DOCK2: variants seen among roughly 807,000 people sequenced by gnomAD.
The protein encoded by DOCK2 is dedicator of cytokinesis protein 2.
Under a neutral mutation model 248.9 loss-of-function variants are expected in DOCK2, and 87 were observed. That is an observed-to-expected ratio of 0.35 (90% CI 0.29 to 0.42). The LOEUF (loss-of-function observed/expected upper bound fraction) is 0.42. DOCK2 is among the 10% of genes least tolerant of loss of function. The probability of loss-of-function intolerance (pLI) is 1.00; values close to 1 mark genes in which losing one functional copy is unlikely to be tolerated. For missense variants in DOCK2, 1,747 were observed against 2,300.2 expected, an observed-to-expected ratio of 0.76 and a Z score of 4.92; for synonymous variants, 805 against 821.6, an observed-to-expected ratio of 0.98 and a Z score of 0.35.
chr5:169,891,690 A>G (rs1773291056), intron 27 of DOCK2, among the ~76,000 whole-genome samples: 1 of 152,090 alleles, frequency 6.6e-6, no homozygotes, highest in Non-Finnish European at 1.5e-5. Context: ...AGTGCTTCAA[A>G]AAGAACAAAG....
At chr5:169,884,163 A>T (rs1772835931) in intron 27 of DOCK2, 1 of 319,718 alleles carries the variant, frequency 3.1e-6, no homozygotes, top group Admixed American at 4.6e-5. Context: ...CAAATGAGTT[A>T]GGCTAACTAT....
intron 1 of DOCK2, among the ~76,000 whole-genome samples, chr5:169,649,178 C>G (rs932193653): frequency 6.6e-6 from 1 of 152,346 alleles, no homozygotes; most frequent in Admixed American, 6.5e-5. Context: ...CATTCTTTCT[C>G]CATTATTGCT....
chr5:169,992,448 T>G (rs1778232052), intron 29 of DOCK2, among the ~76,000 whole-genome samples: 1 of 152,226 alleles, frequency 6.6e-6, no homozygotes, highest in Admixed American at 6.5e-5. Flanking sequence ...ACCATATGAG[T>G]GCTTAGGCTT....
intron 27 of DOCK2, chr5:169,980,185 G>C (rs1483673333): frequency 6.6e-6 from 1 of 151,976 alleles, no homozygotes; most frequent in African/African-American, 2.4e-5. Flanking sequence ...TTAAGCCAAA[G>C]CTTTAAAAGT....
chr5:169,720,198 C>A lies in DOCK2; in HGVS notation c.2267+1407C>A, dbSNP rs186288853. Reference sequence around the variant, plus strand: ...TCGGGTATTCTAGGTTTGAGAGATACTTCTCAGTGATTTGGGAAAACCAAT... The same window carrying A: ...TCGGGTATTCTAGGTTTGAGAGATAATTCTCAGTGATTTGGGAAAACCAAT... On this transcript the variant is annotated intron_variant, in intron 22 of 51. Transcript: ENST00000520908. Among the ~76,000 whole-genome samples, 21 of 152,298 alleles carry A rather than the reference C, an allele frequency of 1.4e-4. 1 individual carries two copies. The highest frequency in any genetic ancestry group is 5.1e-4 in the African/African-American group (21 of 41,574).
intron 8 of DOCK2, among the ~76,000 whole-genome samples, chr5:169,684,868 C>T (rs966497914): frequency 3.9e-5 from 6 of 152,132 alleles, no homozygotes; most frequent in African/African-American, 7.2e-5. Flanking sequence ...AGTCTGGTGT[C>T]GAACTCTTGG....
At chr5:169,875,130 TC>T in intron 27 of DOCK2, 1 of 449,018 alleles carries the variant, frequency 2.2e-6, no homozygotes. Flanking sequence ...GGGCTGGTTG[TC>T]ACAAAACTTT....
intron 1 of DOCK2, among the ~76,000 whole-genome samples, chr5:169,642,116 G>A (rs1346341798): frequency 1.3e-5 from 2 of 152,194 alleles, no homozygotes; most frequent in African/African-American, 4.8e-5. Context: ...AACATACCCA[G>A]GAGCAGAACT....
chr5:169,784,589 T>C (rs941435576), intron 25 of DOCK2, among the ~76,000 whole-genome samples: 5 of 152,376 alleles, frequency 3.3e-5, no homozygotes, highest in Admixed American at 3.3e-4. Flanking sequence ...ATTCAATTCC[T>C]TTTCAATCTT....
chr5:169,824,068 T>C (rs898134411), intron 26 of DOCK2, among the ~76,000 whole-genome samples: 19 of 152,168 alleles, frequency 1.2e-4, no homozygotes, highest in Non-Finnish European at 2.4e-4. Context: ...TTACAAGGGA[T>C]GTGAAGGACC....
chr5:169,803,183 G>A lies in DOCK2; in HGVS notation c.2680G>A (p.Glu894Lys). The A allele has an allele frequency of 6.2e-7, 1 of 1,613,824 alleles. No individual in the cohort carries two copies. The highest frequency in any genetic ancestry group is 8.5e-7 in the Non-Finnish European group (1 of 1,179,870). ...YCVELLNSIL[E>K]VLSYQDAAFT... Reference sequence around the variant, plus strand: ...CGTTGAATTGCTCAACAGCATCTTGGAAGTCCTTAGCTACCAGGATGCGGT... The same window carrying A: ...CGTTGAATTGCTCAACAGCATCTTGAAAGTCCTTAGCTACCAGGATGCGGT... Residue 894 changes from glutamate to lysine, a missense_variant, in exon 26 of 52, where the codon GAA becomes AAA. Physicochemically the swap from Glu to Lys is moderately conservative, Grantham distance 56 (BLOSUM62 1). Transcript: ENST00000520908.
rs375854322 is a variant in DOCK2, at chr5:169,900,183, C to T, written c.2799+59331C>T. Among the ~76,000 whole-genome samples the T allele has an allele frequency of 6.6e-5, 10 of 152,258 alleles. No homozygotes were observed. The South Asian group carries it at 1.0e-3, about 16-fold the overall frequency. ...GGAGATGGGCAGGTAATAGGCAGCA[C>T]GGTAAGACGCAAGCTTTAAGCAAGG... On this transcript the variant is annotated intron_variant, in intron 27 of 51. Transcript: ENST00000520908.
At chr5:169,997,132 C>T (rs572315972) in intron 30 of DOCK2, among the ~76,000 whole-genome samples, 5 of 150,756 alleles carry the variant, frequency 3.3e-5, no homozygotes, top group East Asian at 3.9e-4. Flanking sequence ...CAGACCAACA[C>T]GTGAACAAAG....
At chr5:170,033,504 G>C (rs973768431) in intron 34 of DOCK2, among the ~76,000 whole-genome samples, 3 of 152,090 alleles carry the variant, frequency 2.0e-5, no homozygotes, top group Non-Finnish European at 4.4e-5. Flanking sequence ...ACTGTACATG[G>C]CACTTTATAA....
chr5:169,963,006 T>C (rs1777154144), intron 27 of DOCK2, among the ~76,000 whole-genome samples: 1 of 152,134 alleles, frequency 6.6e-6, no homozygotes. Flanking sequence ...GGTGGAAGAA[T>C]TGACATTTTG....
At chr5:169,873,405 C>T (rs1401130186) in intron 27 of DOCK2, among the ~76,000 whole-genome samples, 1 of 152,196 alleles carries the variant, frequency 6.6e-6, no homozygotes, top group Admixed American at 6.5e-5. Context: ...GAGGGCATTG[C>T]TATGACGTTC....
At chr5:169,859,824 G>A (rs1004918340) in intron 27 of DOCK2, among the ~76,000 whole-genome samples, 2 of 152,140 alleles carry the variant, frequency 1.3e-5, no homozygotes, top group African/African-American at 4.8e-5. Context: ...TTACCTCTAG[G>A]ATATTTGATT....
chr5:169,844,868 T>C (rs898983107), intron 27 of DOCK2, among the ~76,000 whole-genome samples: 1 of 152,292 alleles, frequency 6.6e-6, no homozygotes, highest in Non-Finnish European at 1.5e-5. Flanking sequence ...AGATCCTGTG[T>C]GAATTAAATC....
intron 7 of DOCK2, 74 bp from the exon 8 acceptor site, chr5:169,684,122 C>T: frequency 2.6e-6 from 4 of 1,567,164 alleles, no homozygotes; most frequent in Non-Finnish European, 3.5e-6. Flanking sequence ...ATATCCTTGA[C>T]TATCTCTCTG....
Sources: gnomAD v4.1 joint callset for allele counts (sites outside exome capture counted in the v4.1 genomes callset) on GRCh38, gnomAD v4.1.1 for gene constraint, MANE v1.5 for transcripts, NCBI Gene and HGNC (gene_info 2026-07-23, HGNC 2026-07-21) for gene names.